The following NPNT variants were observed in gnomAD, a reference collection of about 807,000 sequenced individuals.
NPNT encodes the protein preosteoblast EGF-like repeat protein with MAM domain.
NPNT carries 45 observed loss-of-function variants against 68.6 expected under a neutral mutation model. The observed-to-expected ratio is 0.66, with a 90% CI of 0.52 to 0.84. The LOEUF (loss-of-function observed/expected upper bound fraction) is 0.84, where lower values mean the gene tolerates loss of function less well. Among genes scored for constraint, NPNT ranks in the 40% least tolerant of loss-of-function variants. NPNT has a pLI of 0.00. For synonymous variants in NPNT, 233 were observed against 253.3 expected (o/e 0.92, Z 0.76); for missense variants, 672 against 714.8 (o/e 0.94, Z 0.68).
intron 2 of NPNT, among the ~76,000 whole-genome samples, chr4:105,909,826 C>T (rs1014494533): frequency 3.3e-5 from 5 of 152,088 alleles, no homozygotes; most frequent in Admixed American, 3.3e-4. Flanking sequence ...AGGACCTTTC[C>T]CTTTTATGCA....
chr4:105,935,568 T>G (rs1415531839), intron 3 of NPNT, among the ~76,000 whole-genome samples: 1 of 152,224 alleles, frequency 6.6e-6, no homozygotes. Context: ...TGAGGAAATT[T>G]TTTTTGAAAT....
rs1395313412 is a variant in NPNT, at chr4:105,970,561, A to T, written c.*1571A>T. The T allele has an allele frequency of 1.5e-6, 1 of 680,088 alleles. No individual in the cohort carries two copies. Among genetic ancestry groups the T allele is most frequent in the Non-Finnish European group, 2.7e-6 (1 of 369,724 alleles). The allele number at this position is 680,088 out of a possible 1,614,324, so 42.1% of individuals were successfully genotyped here. ...CCAGCTGTTCTCCATATGCACTAAG[A>T]ATAGAACAAGAGGAAACTGGCTTAG... is the stretch of plus-strand genomic sequence containing the variant. On this transcript the variant is annotated 3_prime_UTR_variant, in exon 12 of 12. Transcript: ENST00000379987.
chr4:105,958,128 G>A (rs574177855), intron 8 of NPNT, among the ~76,000 whole-genome samples: 40 of 152,208 alleles, frequency 2.6e-4, no homozygotes, highest in African/African-American at 8.7e-4. Context: ...TGTATCTTTC[G>A]TAGAGATGAA....
At chr4:105,924,188 C>T (rs1463281612) in intron 2 of NPNT, among the ~76,000 whole-genome samples, 2 of 152,112 alleles carry the variant, frequency 1.3e-5, no homozygotes, top group Non-Finnish European at 2.9e-5. Flanking sequence ...TATCACAGCC[C>T]TTGTTGTGGT....
At chr4:105,928,795 A>C (rs2149356877) in intron 3 of NPNT, among the ~76,000 whole-genome samples, 1 of 152,016 alleles carries the variant, frequency 6.6e-6, no homozygotes, top group Admixed American at 6.6e-5. Flanking sequence ...ATGGTGTCTA[A>C]CTATCCCTTA....
intron 3 of NPNT, among the ~76,000 whole-genome samples, chr4:105,936,510 C>T (rs1283852738): frequency 4.6e-5 from 7 of 152,166 alleles, no homozygotes; most frequent in Admixed American, 4.6e-4. Context: ...GTAAAATATT[C>T]TCAAAGTCCA....
At chr4:105,934,152 CTTA>C (rs1390250503) in intron 3 of NPNT, among the ~76,000 whole-genome samples, 1 of 151,978 alleles carries the variant, frequency 6.6e-6, no homozygotes, top group Non-Finnish European at 1.5e-5. Context: ...TTTTGTTCTG[CTTA>C]TTATTGTAGG....
intron 2 of NPNT, among the ~76,000 whole-genome samples, chr4:105,910,596 T>A (rs1397803383): frequency 1.3e-5 from 2 of 152,188 alleles, no homozygotes; most frequent in Non-Finnish European, 2.9e-5. Flanking sequence ...TATCCTTCAA[T>A]AGAGGATAGT....
intron 10 of NPNT, among the ~76,000 whole-genome samples, chr4:105,962,862 T>G (rs1731832748): frequency 6.7e-6 from 1 of 149,868 alleles, no homozygotes. Flanking sequence ...TGTGTGTGTG[T>G]GTGTGTGTAT....
intron 8 of NPNT, 102 bp downstream of exon 8, chr4:105,942,804 A>T: frequency 8.9e-7 from 1 of 1,120,734 alleles, no homozygotes; most frequent in East Asian, 2.5e-5. Flanking sequence ...AAGAAGAACT[A>T]GCTATGTAAA....
At chr4:105,909,593 C>T (rs1727190731) in intron 2 of NPNT, among the ~76,000 whole-genome samples, 1 of 152,116 alleles carries the variant, frequency 6.6e-6, no homozygotes, top group Non-Finnish European at 1.5e-5. Flanking sequence ...ATCCATGTTG[C>T]TACTTAACTT....
At chr4:105,946,325 T>A (rs1302723671) in intron 8 of NPNT, among the ~76,000 whole-genome samples, 1 of 152,190 alleles carries the variant, frequency 6.6e-6, no homozygotes, top group Admixed American at 6.6e-5. Context: ...TTAAAAATTT[T>A]CATCTAAACC....
intron 2 of NPNT, among the ~76,000 whole-genome samples, chr4:105,919,671 G>A (rs1226370140): frequency 6.6e-6 from 1 of 152,008 alleles, no homozygotes; most frequent in African/African-American, 2.4e-5. Flanking sequence ...GTTTAAATTT[G>A]TCTGTTGTTT....
intron 2 of NPNT, among the ~76,000 whole-genome samples, chr4:105,918,074 A>T (rs1054808028): frequency 6.6e-6 from 1 of 152,216 alleles, no homozygotes; most frequent in Non-Finnish European, 1.5e-5. Flanking sequence ...TTACATGACC[A>T]ATCTCTTATT....
intron 2 of NPNT, among the ~76,000 whole-genome samples, chr4:105,915,996 G>A (rs1480641695): frequency 6.6e-6 from 1 of 151,944 alleles, no homozygotes; most frequent in African/African-American, 2.4e-5. Context: ...ATAGTTGTAA[G>A]TTCTTGAAAA....
chr4:105,908,504 A>G (rs1412981942), intron 2 of NPNT, among the ~76,000 whole-genome samples: 1 of 152,154 alleles, frequency 6.6e-6, no homozygotes, highest in African/African-American at 2.4e-5. Flanking sequence ...AGGAAAACAC[A>G]ACTAGGAATT....
intron 2 of NPNT, among the ~76,000 whole-genome samples, chr4:105,903,622 T>G (rs909435318): frequency 5.9e-5 from 9 of 152,236 alleles, no homozygotes; most frequent in African/African-American, 2.2e-4. Flanking sequence ...TTTGGTATAC[T>G]TTAAAAAATA....
At chr4:105,964,612 ATTTC>A (rs1413578309) in intron 10 of NPNT, among the ~76,000 whole-genome samples, 1 of 152,062 alleles carries the variant, frequency 6.6e-6, no homozygotes, top group Non-Finnish European at 1.5e-5. Flanking sequence ...TTTACTTTGC[ATTTC>A]TTTTATTGTG....
intron 2 of NPNT, among the ~76,000 whole-genome samples, chr4:105,902,114 G>T (rs893811376): frequency 5.9e-4 from 90 of 152,118 alleles, no homozygotes; most frequent in African/African-American, 2.0e-3. Context: ...TCCCTAAACT[G>T]GTTATTAACT....
Sources: allele counts gnomAD v4.1 joint callset (sites outside exome capture counted in the v4.1 genomes callset), GRCh38; gene constraint gnomAD v4.1.1; transcripts MANE v1.5; gene names NCBI Gene and HGNC (gene_info 2026-07-23, HGNC 2026-07-21).